Variants in EIF4A1 observed in about 807,000 individuals in gnomAD.
The protein encoded by EIF4A1 is eukaryotic initiation factor 4A-I.
EIF4A1 carries 11 observed loss-of-function variants against 53.5 expected under a neutral mutation model. The ratio of observed to expected loss-of-function variants is 0.21; its 90% CI spans 0.13 to 0.34. The LOEUF is 0.34. EIF4A1 is among the 10% of genes least tolerant of loss of function. The pLI is 1.00. For missense variants in EIF4A1, 213 were observed against 530.8 expected (o/e 0.40, Z 5.88); for synonymous variants, 237 against 186.7 (o/e 1.27, Z -2.20).
chr17:7,574,872 T>C, intron 3 of EIF4A1, 194 bp downstream of exon 3: 3 of 1,098,952 alleles, frequency 2.7e-6, no homozygotes, highest in Non-Finnish European at 4.1e-6. Flanking sequence ...GGTGGTATTG[T>C]AGCCAGCTTA....
At position 7,574,281 on chromosome 17, in the gene EIF4A1, T is replaced by A. The variant is rs1435171669; in HGVS notation, c.45T>A (p.Asp15Glu). ...ACAGATCCAGAGACAATGGCCCCGA[T>A]GGGATGGAGCCCGAAGGCGTCATCG... ...QDSRSRDNGP[D>E]GMEPEGVIES... Residue 15 changes from aspartate (D) to glutamate (E), a missense_variant, in exon 2 of 11, where the codon GAT (aspartate) becomes GAA (glutamate). Transcript: ENST00000293831. 1.2e-6 allele frequency: 2 copies of A among 1,614,128 alleles called. No individual in the cohort carries two copies. The highest frequency in any genetic ancestry group is 3.3e-5 in the Admixed American group (2 of 60,024).
intron 4 of EIF4A1, chr17:7,575,512 T>C: frequency 1.7e-6 from 1 of 593,024 alleles, no homozygotes; most frequent in Non-Finnish European, 3.1e-6. Context: ...GACTGTGTTC[T>C]GAATAAGCAC....
Position 7,574,541 on chromosome 17 carries a change from C to T in EIF4A1, c.73-5C>T, listed in dbSNP as rs751489775. On this transcript the variant is annotated splice_region_variant and splice_polypyrimidine_tract_variant and intron_variant, in intron 2 of 10. Coordinates refer to ENST00000293831, the MANE Select transcript of EIF4A1 (RefSeq NM_001416.4). ...CTCAAGCTTTAATTTCTTTGCATCC[C>T]CTAGAGTAACTGGAATGAGATTGTT... The T allele has an allele frequency of 3.7e-6, 6 of 1,612,820 alleles. No individual in the cohort carries two copies. Among genetic ancestry groups the T allele is most frequent in the South Asian group, 3.3e-5 (3 of 91,002 alleles).
intron 1 of EIF4A1, 104 bp from the exon 2 acceptor site, chr17:7,574,156 C>T: frequency 7.6e-7 from 1 of 1,319,762 alleles, no homozygotes; most frequent in Admixed American, 1.9e-5. Context: ...TCTGGGACAG[C>T]AGATTGATGG....
chr17:7,574,936 A>T, intron 3 of EIF4A1, 183 bp from the exon 4 acceptor site: 5 of 1,013,224 alleles, frequency 4.9e-6, no homozygotes, highest in Non-Finnish European at 7.6e-6. Flanking sequence ...ATACTAGATG[A>T]GTTAATAACT....
rs2071440378 is a variant in EIF4A1 at position 7,578,874 on chromosome 17, G to GC, written c.*391dup. On this transcript the variant is annotated 3_prime_UTR_variant, in exon 11 of 11. Coordinates refer to ENST00000293831, the MANE Select transcript of EIF4A1 (RefSeq NM_001416.4). ...ACCCCTAAAACCCCTAAGTGAGGTT[G>GC]CCCAGGGGGTTGTCCCCAGGTGGGG... The GC allele has an allele frequency of 1.2e-5, 2 of 167,240 alleles. No individual in the cohort carries two copies. The highest frequency in any genetic ancestry group is 2.6e-5 in the Non-Finnish European group (2 of 77,652). The allele number at this position is 167,240 out of a possible 1,614,324, so 10.4% of individuals were successfully genotyped here. A position where few individuals can be genotyped will look rare whatever the true frequency, so the allele number is the denominator to read the frequency against.
intron 3 of EIF4A1, 187 bp from the exon 4 acceptor site, chr17:7,574,932 G>A (rs937760173): frequency 3.5e-5 from 36 of 1,017,858 alleles, no homozygotes; most frequent in Middle Eastern, 3.1e-4. Context: ...TGCAATACTA[G>A]ATGAGTTAAT....
rs199974690 is a variant in EIF4A1 at position 7,572,861 on chromosome 17, C to T, written c.20C>T (p.Ser7Phe). 7.4e-6 allele frequency: 12 copies of T among 1,614,164 alleles called. No homozygotes were observed. The highest frequency in any genetic ancestry group is 3.3e-5 in the Admixed American group (2 of 60,014). MSASQD[S>F]RSRDNGPDGM... Reference sequence around the variant, plus strand: ...AGGATCATGTCTGCGAGCCAGGATTCCCGGTAAGAAAGGCATTTGCAAGAG... The same window carrying T: ...AGGATCATGTCTGCGAGCCAGGATTTCCGGTAAGAAAGGCATTTGCAAGAG... Residue 7 changes from serine to phenylalanine, a missense_variant, in exon 1 of 11, where the codon TCC becomes TTC. Around this residue, in one of 4 missense-constraint regions of EIF4A1, gnomAD observed 53 missense variants for 34.0 expected, o/e 1.56. Coordinates refer to ENST00000293831, the MANE Select transcript of EIF4A1 (RefSeq NM_001416.4).
Position 7,578,414 on chromosome 17 carries a change from T to A in EIF4A1, c.1149T>A (p.Thr383=). ...TGGTGACAGAAGAAGACAAGAGGAC[T>A]CTTCGAGACATTGAGACCTTCTACA... ...INMVTEEDKR[T]LRDIETFYNT... Residue 383 remains threonine, a synonymous_variant, in exon 11 of 11, where the codon ACT becomes ACA. Transcript: ENST00000293831. 1 of 1,613,882 alleles carries A rather than the reference T, an allele frequency of 6.2e-7. No individual in the cohort carries two copies. Among genetic ancestry groups the A allele is most frequent in the Non-Finnish European group, 8.5e-7 (1 of 1,179,872 alleles).
chr17:7,576,936 C>G (rs1400705681), intron 5 of EIF4A1, 120 bp from the exon 6 acceptor site: 1 of 1,374,862 alleles, frequency 7.3e-7, no homozygotes, highest in Non-Finnish European at 1.0e-6. Flanking sequence ...AAGGATCAGT[C>G]TTTGTACTCT....
Position 7,577,733 on chromosome 17 carries a change from G to C in EIF4A1, c.906+27G>C, listed in dbSNP as rs1306315932. On this transcript the variant is annotated intron_variant, in intron 8 of 10. Coordinates refer to ENST00000293831, the MANE Select transcript of EIF4A1 (RefSeq NM_001416.4). This position sits in a 1 kb window ranked among gnomAD's most constrained non-coding sequence, Gnocchi z 4.7. ...TGTGTTTGCCCGCTGCCAGCCTGTT[G>C]TGGGTCTGCCCGTCAGAAGTGTCCT... is the stretch of plus-strand genomic sequence containing the variant. 1 of 1,613,632 alleles carries C rather than the reference G, an allele frequency of 6.2e-7. No homozygotes were observed. The highest frequency in any genetic ancestry group is 8.5e-7 in the Non-Finnish European group (1 of 1,180,012).
At chr17:7,576,428 A>T (rs2150926275) in intron 4 of EIF4A1, 96 bp from the exon 5 acceptor site, 1 of 1,454,228 alleles carries the variant, frequency 6.9e-7, no homozygotes. Context: ...GCATGCCCCA[A>T]AGTTGTTGGT....
At chr17:7,575,794 G>C in intron 4 of EIF4A1, 1 of 220,470 alleles carries the variant, frequency 4.5e-6, no homozygotes, top group Non-Finnish European at 9.3e-6. Context: ...TTGGCTCTCA[G>C]TTTTCTCAGA....
chr17:7,574,324 T>C lies in EIF4A1; in HGVS notation c.72+16T>C. On this transcript the variant is annotated intron_variant, in intron 2 of 10. Transcript: ENST00000293831. Reference sequence around the variant, plus strand: ...CGTCATCGAGGTGAGACTGGAGAAATGGAATTCTGTCCTCCCCCATTACAA... The same window carrying C: ...CGTCATCGAGGTGAGACTGGAGAAACGGAATTCTGTCCTCCCCCATTACAA... 6.2e-7 allele frequency: 1 copy of C among 1,614,094 alleles called. No individual in the cohort carries two copies. The highest frequency in any genetic ancestry group is 1.7e-5 in the Admixed American group (1 of 60,014).
intron 9 of EIF4A1, 57 bp from the exon 10 acceptor site, chr17:7,578,108 C>A: frequency 6.2e-7 from 1 of 1,611,920 alleles, no homozygotes; most frequent in Non-Finnish European, 8.5e-7. Flanking sequence ...AAGTGTCTTC[C>A]CTCCGGGATA....
Position 7,576,909 on chromosome 17 carries a change from C to T in EIF4A1, c.515-147C>T, listed in dbSNP as rs1275963423. ...CTTCCCAGGGCTGTTGTCTGCCTGG[C>T]GGGAAGGTCCTGGGCAAAGGATCAG... On this transcript the variant is annotated intron_variant, in intron 5 of 10. Transcript: ENST00000293831. The T allele has an allele frequency of 1.1e-5, 14 of 1,328,480 alleles. No individual in the cohort carries two copies. In the East Asian group the frequency reaches 1.1e-4, roughly 11 times the overall value. 82.3% of individuals were successfully genotyped at this position (1,328,480 alleles called of 1,614,324 possible).
At chr17:7,574,934 T>C (rs1427231002) in intron 3 of EIF4A1, 185 bp from the exon 4 acceptor site, 4 of 1,018,460 alleles carry the variant, frequency 3.9e-6, no homozygotes, top group Non-Finnish European at 6.1e-6. Context: ...CAATACTAGA[T>C]GAGTTAATAA....
At chr17:7,576,757 A>C in intron 5 of EIF4A1, 65 bp downstream of exon 5, 2 of 1,560,512 alleles carry the variant, frequency 1.3e-6, no homozygotes, top group East Asian at 4.5e-5. Flanking sequence ...CCAGTCTTTC[A>C]GCGTAAGCCA....
intron 2 of EIF4A1, 102 bp from the exon 3 acceptor site, chr17:7,574,444 C>T (rs998637290): frequency 6.2e-7 from 1 of 1,601,598 alleles, no homozygotes; most frequent in Non-Finnish European, 8.5e-7. Context: ...GTTGTAAGCT[C>T]TGAGGCTTTT....
Sources: allele counts gnomAD v4.1 joint callset, GRCh38; gene constraint gnomAD v4.1.1; regional missense constraint gnomAD v4.1.1; non-coding constraint Gnocchi (gnomAD v3.1); transcripts MANE v1.5; gene names NCBI Gene and HGNC (gene_info 2026-07-23, HGNC 2026-07-21).